SPPL2A: variants seen among roughly 807,000 people sequenced by gnomAD.
The protein encoded by SPPL2A is signal peptide peptidase-like 2A.
SPPL2A carries 51 observed loss-of-function variants against 63.8 expected under a neutral mutation model. The ratio of observed to expected loss-of-function variants is 0.80; its 90% CI spans 0.64 to 1.01. The LOEUF (loss-of-function observed/expected upper bound fraction) is 1.01, where lower values mean the gene tolerates loss of function less well. SPPL2A is among the 50% of genes least tolerant of loss of function. The pLI, the probability that SPPL2A is intolerant of heterozygous loss-of-function variation, is 0.00. For synonymous variants in SPPL2A, 188 were observed against 205.8 expected (o/e 0.91, Z 0.74); for missense variants, 553 against 622.7 (o/e 0.89, Z 1.19).
In SPPL2A at chr15:50,754,079, G is replaced by C. The variant is rs138586575; in HGVS notation, c.67-4333C>G. On this transcript the variant is annotated intron_variant, in intron 1 of 14. Transcript: ENST00000261854. Reference sequence around the variant, plus strand: ...CCCAAAGTGCTGGGATTACAGGCGTGAGCCACCATGCCCGGACTTCTTTCT... The same window carrying C: ...CCCAAAGTGCTGGGATTACAGGCGTCAGCCACCATGCCCGGACTTCTTTCT... 9.8e-5 allele frequency among the ~76,000 whole-genome samples: 15 copies of C among 152,332 alleles called. No individual in the cohort carries two copies. The South Asian group carries it at 2.9e-3, about 29-fold the overall frequency.
intron 14 of SPPL2A, among the ~76,000 whole-genome samples, chr15:50,718,083 T>C (rs1347405844): frequency 1.4e-5 from 2 of 146,874 alleles, no homozygotes; most frequent in Non-Finnish European, 3.0e-5. Context: ...GCCATTCTCC[T>C]GCCTCAGCCT....
At chr15:50,755,627 C>CAAAAAAAAAAAAAAAAA (rs148415568) in intron 1 of SPPL2A, among the ~76,000 whole-genome samples, 2 of 49,550 alleles carry the variant, frequency 4.0e-5, no homozygotes, top group Admixed American at 3.1e-4. Context: ...CACCCTGTCT[C>CAAAAAAAAAAAAAAAAA]AAAAAAAAAA....
intron 5 of SPPL2A, among the ~76,000 whole-genome samples, chr15:50,741,189 C>T (rs1410165377): frequency 2.6e-5 from 4 of 152,074 alleles, no homozygotes. Flanking sequence ...TATATGCAAC[C>T]TATGACACAT....
At position 50,735,210 on chromosome 15, in the gene SPPL2A, T is replaced by C. The variant is rs1014442394; in HGVS notation, c.932+891A>G. Reference sequence around the variant, plus strand: ...TATGAGCCACCATGCCCGGCAAGTATGTTCTCTTTTGTATCTGACTACTTT... The same window carrying C: ...TATGAGCCACCATGCCCGGCAAGTACGTTCTCTTTTGTATCTGACTACTTT... On this transcript the variant is annotated intron_variant, in intron 8 of 14. Coordinates refer to ENST00000261854, the MANE Select transcript of SPPL2A (RefSeq NM_032802.4). Among the ~76,000 whole-genome samples, 4 of 152,156 alleles carry C rather than the reference T, an allele frequency of 2.6e-5. No individual in the cohort carries two copies. In the East Asian group the frequency reaches 7.7e-4, roughly 29 times the overall value.
At position 50,748,101 on chromosome 15, in the gene SPPL2A, T is replaced by A; in HGVS notation, c.450+12A>T. The A allele has an allele frequency of 9.0e-7, 1 of 1,110,330 alleles. No individual in the cohort carries two copies. Among genetic ancestry groups the A allele is most frequent in the Admixed American group, 2.8e-5 (1 of 36,300 alleles). 68.8% of individuals were successfully genotyped at this position (1,110,330 alleles called of 1,614,324 possible). A position where few individuals can be genotyped will look rare whatever the true frequency, so the allele number is the denominator to read the frequency against. On this transcript the variant is annotated intron_variant, in intron 4 of 14. Transcript: ENST00000261854. ...TTTATAAACTTTATCTAATATGTAA[T>A]TGCTAATTTACCTGGTTCATATCTC... is the stretch of plus-strand genomic sequence containing the variant.
chr15:50,755,116 G>T (rs1304680023), intron 1 of SPPL2A, among the ~76,000 whole-genome samples: 1 of 151,414 alleles, frequency 6.6e-6, no homozygotes, highest in Non-Finnish European at 1.5e-5. Context: ...TCAGGAGATC[G>T]AAACCATCCT....
chr15:50,744,419 CT>C (rs1242952854), intron 5 of SPPL2A, among the ~76,000 whole-genome samples: 7 of 152,060 alleles, frequency 4.6e-5, no homozygotes, highest in African/African-American at 1.4e-4. Flanking sequence ...CAAATAAGAT[CT>C]TTTAAATGGA....
intron 10 of SPPL2A, among the ~76,000 whole-genome samples, chr15:50,726,761 A>G (rs766328249): frequency 3.3e-5 from 5 of 152,250 alleles, no homozygotes; most frequent in Non-Finnish European, 7.3e-5. Flanking sequence ...AGCAGTTTTC[A>G]GTAATGTCAG....
In SPPL2A at chr15:50,707,500, C is replaced by T. The variant is rs760887230; in HGVS notation, c.*300G>A. 1 of 236,006 alleles carries T rather than the reference C, an allele frequency of 4.2e-6. No homozygotes were observed. Among genetic ancestry groups the T allele is most frequent in the Non-Finnish European group, 8.1e-6 (1 of 123,266 alleles). The allele number at this position is 236,006 out of a possible 1,614,324, so 14.6% of individuals were successfully genotyped here. A position where few individuals can be genotyped will look rare whatever the true frequency, so the allele number is the denominator to read the frequency against. ...CATCAGAGCTGAAAGAAACAGATTT[C>T]GTTAAAAAAAAGTATAGGGGTGGGT... On this transcript the variant is annotated 3_prime_UTR_variant, in exon 15 of 15. Coordinates refer to ENST00000261854, the MANE Select transcript of SPPL2A (RefSeq NM_032802.4).
intron 5 of SPPL2A, chr15:50,746,723 A>T (rs1254966576): frequency 6.8e-6 from 1 of 146,422 alleles, no homozygotes; most frequent in Non-Finnish European, 1.5e-5. Flanking sequence ...GTTGGAATGC[A>T]ATGGCACAAT....
chr15:50,703,360 T>TTTTTTG lies in SPPL2A; in HGVS notation c.*4439_*4440insCAAAAA, dbSNP rs2062490542. Reference sequence around the variant, plus strand: ...TATATATATATACATATATATATTTTTTTTTTTTTTTTTTTTTTTTGAGAT... The same window carrying TTTTTTG: ...TATATATATATACATATATATATTTTTTTTTGTTTTTTTTTTTTTTTTTTTTGAGAT... On this transcript the variant is annotated 3_prime_UTR_variant, in exon 15 of 15. Coordinates refer to ENST00000261854, the MANE Select transcript of SPPL2A (RefSeq NM_032802.4). 1.2e-5 allele frequency: 1 copy of TTTTTTG among 83,598 alleles called. No homozygotes were observed. Among genetic ancestry groups the TTTTTTG allele is most frequent in the Non-Finnish European group, 2.2e-5 (1 of 44,742 alleles). 5.2% of individuals were successfully genotyped at this position (83,598 alleles called of 1,614,324 possible).
chr15:50,761,197 G>A (rs968505695), intron 1 of SPPL2A, among the ~76,000 whole-genome samples: 1 of 152,052 alleles, frequency 6.6e-6, no homozygotes, highest in Non-Finnish European at 1.5e-5. Flanking sequence ...TTTTGTAGAG[G>A]TGGGGTCTTG....
At chr15:50,727,714 G>T (rs1420208509) in intron 10 of SPPL2A, among the ~76,000 whole-genome samples, 1 of 152,136 alleles carries the variant, frequency 6.6e-6, no homozygotes, top group African/African-American at 2.4e-5. Flanking sequence ...TCAAGAACAT[G>T]TTTAGAATAT....
At chr15:50,764,108 G>C (rs1193110074) in intron 1 of SPPL2A, among the ~76,000 whole-genome samples, 1 of 152,158 alleles carries the variant, frequency 6.6e-6, no homozygotes, top group Non-Finnish European at 1.5e-5. Flanking sequence ...GTATCACTAA[G>C]CTATTAATTT....
intron 14 of SPPL2A, among the ~76,000 whole-genome samples, chr15:50,716,307 G>A (rs1038294479): frequency 1.3e-4 from 20 of 152,016 alleles, no homozygotes; most frequent in African/African-American, 3.6e-4. Context: ...CACTTCTTCC[G>A]CCTCAGCCTC....
intron 14 of SPPL2A, among the ~76,000 whole-genome samples, chr15:50,717,558 GC>G (rs1330990550): frequency 6.6e-6 from 1 of 152,138 alleles, no homozygotes; most frequent in Admixed American, 6.6e-5. Context: ...GGTCTCCAGT[GC>G]TTAGTATAGA....
intron 9 of SPPL2A, among the ~76,000 whole-genome samples, chr15:50,731,879 G>A (rs1481717155): frequency 1.6e-5 from 2 of 124,054 alleles, no homozygotes; most frequent in African/African-American, 6.2e-5. Flanking sequence ...AGTGAGCCGA[G>A]ATCACACCAC....
intron 13 of SPPL2A, among the ~76,000 whole-genome samples, chr15:50,721,592 G>A (rs2062647029): frequency 6.7e-6 from 1 of 149,588 alleles, no homozygotes; most frequent in Admixed American, 6.7e-5. Context: ...ACCACACACA[G>A]CTAATACAAA....
At chr15:50,749,582 A>G (rs989621744) in intron 2 of SPPL2A, 54 bp downstream of exon 2, 24 of 1,197,452 alleles carry the variant, frequency 2.0e-5, no homozygotes, top group African/African-American at 7.5e-5. Context: ...CACCGTGCCC[A>G]GCCTCCTTCT....
Sources: gnomAD v4.1 joint callset for allele counts (sites outside exome capture counted in the v4.1 genomes callset) on GRCh38, gnomAD v4.1.1 for gene constraint, MANE v1.5 for transcripts, NCBI Gene and HGNC (gene_info 2026-07-23, HGNC 2026-07-21) for gene names.